The following OXSR1 variants were observed in gnomAD, a reference collection of about 807,000 sequenced individuals.
OXSR1 encodes serine/threonine-protein kinase OSR1.
OXSR1 carries 24 observed loss-of-function variants against 79.8 expected under a neutral mutation model. That is an observed-to-expected ratio of 0.30 (90% CI 0.22 to 0.42). The LOEUF (loss-of-function observed/expected upper bound fraction) is 0.42. OXSR1 is among the 10% of genes least tolerant of loss of function. The pLI is 1.00. For missense variants in OXSR1, 430 were observed against 618.4 expected (o/e 0.70, Z 3.23); for synonymous variants, 226 against 209.2 (o/e 1.08, Z -0.69).
chr3:38,206,646 T>C (rs1013849352), intron 4 of OXSR1, among the ~76,000 whole-genome samples: 1 of 152,194 alleles, frequency 6.6e-6, no homozygotes, highest in African/African-American at 2.4e-5. Context: ...GTAAAAACTT[T>C]GACTTGAAAA....
chr3:38,213,066 G>A (rs1244794138), intron 4 of OXSR1, among the ~76,000 whole-genome samples: 2 of 152,136 alleles, frequency 1.3e-5, no homozygotes, highest in Non-Finnish European at 2.9e-5. Context: ...GTCACTCAAA[G>A]TGCAGGCTCT....
intron 5 of OXSR1, among the ~76,000 whole-genome samples, chr3:38,220,633 G>A (rs1036410756): frequency 2.0e-5 from 3 of 152,214 alleles, no homozygotes; most frequent in Non-Finnish European, 4.4e-5. Flanking sequence ...AACAAATCTA[G>A]CCTCAGAATG....
chr3:38,195,920 A>G (rs1702065760), intron 3 of OXSR1, among the ~76,000 whole-genome samples: 1 of 152,144 alleles, frequency 6.6e-6, no homozygotes. Flanking sequence ...CCTGTTTCCC[A>G]TTATTTGATT....
chr3:38,192,579 T>TATA (rs1702004030), intron 3 of OXSR1, among the ~76,000 whole-genome samples: 2 of 152,256 alleles, frequency 1.3e-5, no homozygotes, highest in African/African-American at 4.8e-5. Flanking sequence ...TACGCAATAT[T>TATA]AACATAATTA....
chr3:38,251,814 A>T (rs1371916027), intron 16 of OXSR1, among the ~76,000 whole-genome samples: 1 of 152,220 alleles, frequency 6.6e-6, no homozygotes, highest in Non-Finnish European at 1.5e-5. Flanking sequence ...AAGTCATTAG[A>T]GATTTAGTAC....
intron 1 of OXSR1, among the ~76,000 whole-genome samples, chr3:38,166,990 C>T (rs958102924): frequency 1.4e-4 from 22 of 152,018 alleles, no homozygotes; most frequent in African/African-American, 3.1e-4. Flanking sequence ...AAGATTTTTC[C>T]TTACAGAGGG....
rs142776221 is a variant in OXSR1, at chr3:38,170,584, C to G, written c.70+4638C>G. On this transcript the variant is annotated intron_variant, in intron 1 of 17. Coordinates refer to ENST00000311806, the MANE Select transcript of OXSR1 (RefSeq NM_005109.3). ...TATGGTGTGAAGTAAGGTGAACCAC[C>G]TTGTTTTACAGTTGAAGACACAGAG... 5.0e-4 allele frequency among the ~76,000 whole-genome samples: 76 copies of G among 152,004 alleles called. 1 individual carries two copies. The East Asian group carries it at 0.012, about 24-fold the overall frequency.
chr3:38,191,836 G>T (rs967950996), intron 3 of OXSR1, among the ~76,000 whole-genome samples: 1 of 152,032 alleles, frequency 6.6e-6, no homozygotes, highest in Non-Finnish European at 1.5e-5. Flanking sequence ...CCTTGTTTGA[G>T]TCAGTTATTT....
chr3:38,194,177 C>T lies in OXSR1; in HGVS notation c.292+3338C>T, dbSNP rs1166074053. Among the ~76,000 whole-genome samples, 11 of 152,230 alleles carry T rather than the reference C, an allele frequency of 7.2e-5. No individual in the cohort carries two copies. In the East Asian group the frequency reaches 1.3e-3, roughly 19 times the overall value. On this transcript the variant is annotated intron_variant, in intron 3 of 17. Transcript: ENST00000311806. ...GGGAACAAATTCCAGGAGAACTTAA[C>T]CTTATTGAGGGAGAACAGTTGCAGT...
At chr3:38,244,670 T>TGTGTGTGAGC (rs1491372358) in intron 12 of OXSR1, among the ~76,000 whole-genome samples, 1 of 149,626 alleles carries the variant, frequency 6.7e-6, no homozygotes, top group Admixed American at 6.6e-5. Context: ...TGTGTGTGCG[T>TGTGTGTGAGC]GCGCATGTAC....
chr3:38,207,390 C>CT (rs1242723876), intron 4 of OXSR1, among the ~76,000 whole-genome samples: 2 of 152,196 alleles, frequency 1.3e-5, no homozygotes, highest in Admixed American at 6.5e-5. Flanking sequence ...TGTACCAGCT[C>CT]TAAGTTCTTG....
intron 4 of OXSR1, among the ~76,000 whole-genome samples, chr3:38,202,168 A>G (rs933674377): frequency 3.9e-5 from 6 of 152,208 alleles, no homozygotes; most frequent in Non-Finnish European, 8.8e-5. Context: ...TTTTGGTGAT[A>G]ATAAGATAAA....
At chr3:38,251,500 T>C in intron 16 of OXSR1, 29 bp downstream of exon 16, 1 of 1,545,282 alleles carries the variant, frequency 6.5e-7, no homozygotes, top group Non-Finnish European at 8.9e-7. Flanking sequence ...GCTCATGTGC[T>C]CCTGTGTCTC....
intron 15 of OXSR1, chr3:38,250,316 A>C (rs1703230214): frequency 7.1e-6 from 2 of 282,950 alleles, no homozygotes; most frequent in Non-Finnish European, 1.3e-5. Flanking sequence ...TCTACTAAGG[A>C]AAAATTATTA....
At chr3:38,244,597 G>A (rs1311616054) in intron 12 of OXSR1, among the ~76,000 whole-genome samples, 1 of 150,076 alleles carries the variant, frequency 6.7e-6, no homozygotes, top group African/African-American at 2.5e-5. Context: ...TGTAGCATAT[G>A]TCAGAATGTC....
intron 16 of OXSR1, among the ~76,000 whole-genome samples, chr3:38,251,807 T>C (rs986682633): frequency 2.6e-5 from 4 of 152,150 alleles, no homozygotes; most frequent in African/African-American, 9.7e-5. Context: ...TGAGCAAAAG[T>C]CATTAGAGAT....
At chr3:38,226,167 G>A (rs1702684423) in intron 8 of OXSR1, among the ~76,000 whole-genome samples, 1 of 152,000 alleles carries the variant, frequency 6.6e-6, no homozygotes, top group Non-Finnish European at 1.5e-5. Context: ...AGCTCCCATT[G>A]GATTCCTGAA....
intron 8 of OXSR1, among the ~76,000 whole-genome samples, chr3:38,226,521 C>G (rs1436274149): frequency 6.6e-6 from 1 of 151,958 alleles, no homozygotes; most frequent in Non-Finnish European, 1.5e-5. Context: ...AAAATAGCAA[C>G]TTTACAATGC....
intron 9 of OXSR1, among the ~76,000 whole-genome samples, chr3:38,229,983 A>G (rs1195204611): frequency 1.3e-5 from 2 of 152,228 alleles, no homozygotes; most frequent in East Asian, 1.9e-4. Context: ...GCCATTATAA[A>G]TATAATTTGT....
Sources: gnomAD v4.1 joint callset for allele counts (sites outside exome capture counted in the v4.1 genomes callset) on GRCh38, gnomAD v4.1.1 for gene constraint, MANE v1.5 for transcripts, NCBI Gene and HGNC (gene_info 2026-07-23, HGNC 2026-07-21) for gene names.